The following GEMIN4 variants were observed in gnomAD, a reference collection of about 807,000 sequenced individuals.
The protein encoded by GEMIN4 is gem nuclear organelle associated protein 4.
A neutral mutation model predicts 76.8 loss-of-function variants in GEMIN4; 59 were observed. The observed-to-expected ratio is 0.77, with a 90% confidence interval of 0.62 to 0.95. The LOEUF is 0.95. GEMIN4 is among the 40% of genes least tolerant of loss of function. GEMIN4 has a pLI of 0.00. For synonymous variants in GEMIN4, 562 were observed against 559.7 expected, an observed-to-expected ratio of 1.00 and a Z score of -0.06; for missense variants, 1,311 against 1,318.9, an observed-to-expected ratio of 0.99 and a Z score of 0.09.
Position 746,781 on chromosome 17 carries a change from A to G in GEMIN4, c.1262T>C (p.Val421Ala). 1 of 1,613,806 alleles carries G rather than the reference A, an allele frequency of 6.2e-7. No homozygotes were observed. The highest frequency in any genetic ancestry group is 1.3e-5 in the African/African-American group (1 of 75,032). ...IQQKMDRHME[V>A]CYIFASEKKW... ...CTTCTCAGAGGCAAAAATGTAGCAC[A>G]CTTCCATATGGCGGTCCATCTTCTG... is the stretch of plus-strand genomic sequence containing the variant. Residue 421 changes from valine (V) to alanine (A), a missense_variant, in exon 2 of 2, where the codon GTG (valine) becomes GCG (alanine). By Grantham distance (64) the Val-to-Ala change is moderately conservative. This residue lies in a region of GEMIN4 where 1,208 missense variants were observed against 1,166.9 expected (regional missense o/e 1.04). Coordinates refer to ENST00000319004, the MANE Select transcript of GEMIN4 (RefSeq NM_015721.3). The surrounding 1 kb of genome is among the most constrained non-coding windows in gnomAD (Gnocchi z 4.3).
intron 1 of GEMIN4, among the ~76,000 whole-genome samples, chr17:750,703 A>G (rs1207186045): frequency 6.6e-6 from 1 of 152,140 alleles, no homozygotes; most frequent in Non-Finnish European, 1.5e-5. Flanking sequence ...CACAGGCCAG[A>G]CACCAGCAGA....
At position 746,451 on chromosome 17, in the gene GEMIN4, T is replaced by C. The variant is rs2144157156; in HGVS notation, c.1592A>G (p.Asn531Ser). The change falls in exon 2 of 2, where the codon AAC becomes AGC. Residue 531 changes from asparagine (N) to serine (S), a missense_variant. This residue lies in a region of GEMIN4 where 1,208 missense variants were observed against 1,166.9 expected (regional missense o/e 1.04). Transcript: ENST00000319004. The surrounding 1 kb of genome is among the most constrained non-coding windows in gnomAD (Gnocchi z 4.3). ...GFQEDLNTTFNQLTQSASEQG... is the reference protein window; with the variant it reads ...GFQEDLNTTFSQLTQSASEQG... ...TTCGGAGGCACTCTGAGTGAGCTGG[T>C]TAAAAGTTGTATTGAGGTCTTCCTG... 1 of 1,613,984 alleles carries C rather than the reference T, an allele frequency of 6.2e-7. No homozygotes were observed. Among genetic ancestry groups the C allele is most frequent in the South Asian group, 1.1e-5 (1 of 91,084 alleles).
chr17:745,182 A>T lies in GEMIN4; in HGVS notation c.2861T>A (p.Val954Asp). The T allele has an allele frequency of 6.2e-7, 1 of 1,606,758 alleles. No individual in the cohort carries two copies. Residue 954 changes from valine (V) to aspartate (D), a missense_variant, in exon 2 of 2, where the codon GTC becomes GAC. Val to Asp is a radical substitution (Grantham distance 152). This residue lies in a region of GEMIN4 where 1,208 missense variants were observed against 1,166.9 expected (regional missense o/e 1.04). Coordinates refer to ENST00000319004, the MANE Select transcript of GEMIN4 (RefSeq NM_015721.3). The surrounding 1 kb of genome is among the most constrained non-coding windows in gnomAD (Gnocchi z 4.6). ...CGSLTRLLDS[V>D]RAIQAAGPWV... ...AGGGCCAGCTGCCTGTATCGCCCTG[A>T]CTGAGTCCAGGAGGCGGGTCAGACT...
chr17:744,995 G>A lies in GEMIN4; in HGVS notation c.3048C>T (p.Ser1016=). 1.9e-6 allele frequency: 3 copies of A among 1,613,962 alleles called. No individual in the cohort carries two copies. The highest frequency in any genetic ancestry group is 2.5e-6 in the Non-Finnish European group (3 of 1,179,896). ...LETLTCYETL[S]KTNPSVSSLL... is the part of the protein sequence containing the mutation. The stretch of plus-strand genomic sequence containing the variant: ...AGGAGCTGACAGAAGGGTTGGTCTT[G>A]CTCAAAGTCTCATAGCAGGTGAGGG... The change falls in exon 2 of 2, where the codon AGC becomes AGT. Residue 1016 remains serine, a synonymous_variant. Transcript: ENST00000319004.
rs1195420798 is a variant in GEMIN4 at position 747,067 on chromosome 17, C to T, written c.976G>A (p.Glu326Lys). The T allele has an allele frequency of 6.2e-7, 1 of 1,613,596 alleles. No homozygotes were observed. The highest frequency in any genetic ancestry group is 8.5e-7 in the Non-Finnish European group (1 of 1,179,876). ...ACGGCCTGCAACTCCTCCCCCCACT[C>T]CCGCAGCAGGTGGTGCAGGAACTCG... ...GCEFLHHLLR[E>K]WGEELQAVLR... Residue 326 changes from glutamate (E) to lysine (K), a missense_variant, in exon 2 of 2, where the codon GAG becomes AAG. Transcript: ENST00000319004.
At chr17:752,332 C>T, upstream of GEMIN4, 1 of 1,209,146 alleles carries the variant, frequency 8.3e-7, no homozygotes, top group Non-Finnish European at 1.0e-6. Flanking sequence ...ACGAGCGCGC[C>T]AAGCGCACAG....
intron 1 of GEMIN4, chr17:749,696 C>T (rs2740346): frequency 0.84 from 345,795 of 411,858 alleles, 145,363 homozygotes; most frequent in African/African-American, 0.95. Context: ...CACAGGGTAA[C>T]GGGCACAGCA....
chr17:752,155 G>T lies in GEMIN4; in HGVS notation c.-13C>A. Reference sequence around the variant, plus strand: ...CACCTAGGTCCATGGCGGCGACGCCGGCGGCTGCGCGGGGCTAACGCCCCC... The same window carrying T: ...CACCTAGGTCCATGGCGGCGACGCCTGCGGCTGCGCGGGGCTAACGCCCCC... On this transcript the variant is annotated 5_prime_UTR_variant, in exon 1 of 2. Coordinates refer to ENST00000319004, the MANE Select transcript of GEMIN4 (RefSeq NM_015721.3). 1 of 1,235,886 alleles carries T rather than the reference G, an allele frequency of 8.1e-7. No individual in the cohort carries two copies. Among genetic ancestry groups the T allele is most frequent in the East Asian group, 3.1e-5 (1 of 31,822 alleles). 76.6% of individuals were successfully genotyped at this position (1,235,886 alleles called of 1,614,324 possible).
chr17:748,502 G>A (rs1904408125), intron 1 of GEMIN4: 1 of 177,618 alleles, frequency 5.6e-6, no homozygotes, highest in Admixed American at 5.7e-5. Context: ...GGCTGCTGAG[G>A]CGAGACCCTC....
chr17:748,755 G>A, intron 1 of GEMIN4: 1 of 217,308 alleles, frequency 4.6e-6, no homozygotes, highest in Admixed American at 5.9e-5. Context: ...ACAGCCACAG[G>A]GTAATGGGCA....
chr17:752,411 C>T (rs939345333), upstream of GEMIN4: 6 of 691,326 alleles, frequency 8.7e-6, no homozygotes, highest in South Asian at 1.5e-4. Flanking sequence ...GACCCCTCCG[C>T]ACCGTCCCCT....
In GEMIN4 at chr17:747,774, G is replaced by T. The variant is rs754384303; in HGVS notation, c.269C>A (p.Thr90Lys). The change falls in exon 2 of 2, where the codon ACA becomes AAA. Residue 90 changes from threonine to lysine, a missense_variant. Thr to Lys is a moderately conservative substitution (Grantham distance 78, BLOSUM62 -1). Around this residue, in one of 2 missense-constraint regions of GEMIN4, gnomAD observed 103 missense variants for 152.0 expected, o/e 0.68. Transcript: ENST00000319004. ...PHPVTPSDTE[T>K]RWQEDLFFSV... ...GAAGAACAGGTCTTCCTGCCACCGT[G>T]TCTCTGTGTCGGACGGGGTCACGGG... is the stretch of plus-strand genomic sequence containing the variant. 6.2e-7 allele frequency: 1 copy of T among 1,613,656 alleles called. No homozygotes were observed. The highest frequency in any genetic ancestry group is 2.2e-5 in the East Asian group (1 of 44,850).
At chr17:750,112 T>C (rs1207259138) in intron 1 of GEMIN4, 6 of 475,660 alleles carry the variant, frequency 1.3e-5, no homozygotes, top group African/African-American at 2.1e-5. Context: ...TCCCAGCTAC[T>C]TGGGGGGCTG....
chr17:751,431 C>T (rs1460304819), intron 1 of GEMIN4, among the ~76,000 whole-genome samples: 1 of 152,110 alleles, frequency 6.6e-6, no homozygotes. Flanking sequence ...GCTGACACAT[C>T]TCGGGGTGCC....
chr17:752,241 A>C lies in GEMIN4; in HGVS notation c.-99T>G, dbSNP rs950322377. The C allele has an allele frequency of 7.3e-6, 9 of 1,228,174 alleles. No individual in the cohort carries two copies. In the East Asian group the frequency reaches 1.9e-4, roughly 26 times the overall value. 76.1% of individuals were successfully genotyped at this position (1,228,174 alleles called of 1,614,324 possible). ...CGGCACGATGGGAGACGCAGGAGCC[A>C]CGGCGGCCGCGCTTAGGCCTGCTCA... On this transcript the variant is annotated 5_prime_UTR_variant, in exon 1 of 2. Transcript: ENST00000319004.
rs1974344560 is a variant in GEMIN4, at chr17:745,192, G to A, written c.2851C>T (p.Leu951=). ...GCCTGTATCGCCCTGACTGAGTCCA[G>A]GAGGCGGGTCAGACTGCCACAGAGG... ...KLLCGSLTRL[L]DSVRAIQAAG... is the part of the protein sequence containing the mutation. The change falls in exon 2 of 2, where the codon CTG becomes TTG. Residue 951 remains leucine (L), a synonymous_variant. Coordinates refer to ENST00000319004, the MANE Select transcript of GEMIN4 (RefSeq NM_015721.3). This position sits in a 1 kb window ranked among gnomAD's most constrained non-coding sequence, Gnocchi z 4.6. 1.2e-6 allele frequency: 2 copies of A among 1,607,248 alleles called. No individual in the cohort carries two copies. Among genetic ancestry groups the A allele is most frequent in the South Asian group, 2.2e-5 (2 of 90,066 alleles).
At position 746,185 on chromosome 17, in the gene GEMIN4, C is replaced by A. The variant is rs1373193366; in HGVS notation, c.1858G>T (p.Glu620Ter). 2 of 1,613,726 alleles carry A rather than the reference C, an allele frequency of 1.2e-6. No homozygotes were observed. Among genetic ancestry groups the A allele is most frequent in the Non-Finnish European group, 1.7e-6 (2 of 1,179,894 alleles). The change falls in exon 2 of 2, where the codon GAA becomes TAA. Residue 620 changes from glutamate (E) to a stop codon, truncating the protein, a stop_gained. Coordinates refer to ENST00000319004, the MANE Select transcript of GEMIN4 (RefSeq NM_015721.3). LOFTEE classifies it high-confidence loss of function. This position sits in a 1 kb window ranked among gnomAD's most constrained non-coding sequence, Gnocchi z 4.3. ...TVWMKFSTPK[E>*]EKQFLELLNC... ...AGGAGCTCTAAAAATTGCTTTTCTT[C>A]CTTGGGTGTAGAGAACTTCATCCAG...
chr17:747,673 G>C lies in GEMIN4; in HGVS notation c.370C>G (p.Leu124Val), dbSNP rs753496032. Residue 124 changes from leucine (L) to valine (V), a missense_variant, in exon 2 of 2, where the codon CTC becomes GTC. Around this residue, in one of 2 missense-constraint regions of GEMIN4, gnomAD observed 1,208 missense variants for 1,166.9 expected, o/e 1.04. Transcript: ENST00000319004. ...AGGGCCATCAGGAGCTGGATAAAGA[G>C]TCCAGAAGCTTCCAGGGATTTGAGC... Reference protein sequence around the residue: ...ELLKSLEASGLFIQLLMALPT... With the variant: ...ELLKSLEASGVFIQLLMALPT... The C allele has an allele frequency of 3.7e-6, 6 of 1,613,922 alleles. 1 individual carries two copies. The South Asian group carries it at 5.5e-5, about 15-fold the overall frequency.
In GEMIN4 at chr17:746,446, G is replaced by A; in HGVS notation, c.1597C>T (p.Leu533Phe). Residue 533 changes from leucine to phenylalanine, a missense_variant, in exon 2 of 2, where the codon CTC becomes TTC. Coordinates refer to ENST00000319004, the MANE Select transcript of GEMIN4 (RefSeq NM_015721.3). This position sits in a 1 kb window ranked among gnomAD's most constrained non-coding sequence, Gnocchi z 4.3. ...CCCTGTTCGGAGGCACTCTGAGTGA[G>A]CTGGTTAAAAGTTGTATTGAGGTCT... The part of the protein sequence containing the change: ...QEDLNTTFNQ[L>F]TQSASEQGLA... 1.2e-6 allele frequency: 2 copies of A among 1,614,018 alleles called. No homozygotes were observed. Among genetic ancestry groups the A allele is most frequent in the Non-Finnish European group, 8.5e-7 (1 of 1,179,904 alleles).
Sources: gnomAD v4.1 joint callset for allele counts (sites outside exome capture counted in the v4.1 genomes callset) on GRCh38, gnomAD v4.1.1 for gene constraint, gnomAD v4.1.1 regional missense constraint, Gnocchi (gnomAD v3.1) non-coding constraint, MANE v1.5 for transcripts, NCBI Gene and HGNC (gene_info 2026-07-23, HGNC 2026-07-21) for gene names.